Variants in RAB11FIP2 observed in about 807,000 individuals in gnomAD.
RAB11FIP2 encodes the protein rab11 family-interacting protein 2.
RAB11FIP2 carries 16 observed loss-of-function variants against 40.9 expected under a neutral mutation model. That is an observed-to-expected ratio of 0.39 (90% CI 0.26 to 0.59). The LOEUF (loss-of-function observed/expected upper bound fraction) is 0.59. Among genes scored for constraint, RAB11FIP2 ranks in the 20% least tolerant of loss-of-function variants. RAB11FIP2 has a pLI of 0.53. For synonymous variants in RAB11FIP2, 228 were observed against 213.7 expected (o/e 1.07, Z -0.58); for missense variants, 532 against 606.2 (o/e 0.88, Z 1.28).
chr10:118,016,141 C>T (rs1846217118), intron 3 of RAB11FIP2, among the ~76,000 whole-genome samples: 1 of 152,166 alleles, frequency 6.6e-6, no homozygotes, highest in Admixed American at 6.5e-5. Flanking sequence ...CATGTACAAC[C>T]ACCTCCAGAG....
At chr10:118,044,935 G>C (rs908824156) in intron 1 of RAB11FIP2, among the ~76,000 whole-genome samples, 3 of 152,060 alleles carry the variant, frequency 2.0e-5, no homozygotes, top group African/African-American at 4.8e-5. Context: ...GTTTATGGAA[G>C]GGGTGAGTAT....
intron 1 of RAB11FIP2, 31 bp downstream of exon 1, chr10:118,045,780 C>G (rs764364541): frequency 6.7e-7 from 1 of 1,492,826 alleles, no homozygotes. Flanking sequence ...ATATAAACTC[C>G]CCCAAATTCA....
chr10:118,019,380 G>A (rs1846257005), intron 3 of RAB11FIP2, among the ~76,000 whole-genome samples: 1 of 152,100 alleles, frequency 6.6e-6, no homozygotes, highest in African/African-American at 2.4e-5. Flanking sequence ...AGAGGGAAGG[G>A]GCAAGACAGG....
At chr10:118,032,809 C>T (rs1846431274) in intron 3 of RAB11FIP2, among the ~76,000 whole-genome samples, 1 of 152,006 alleles carries the variant, frequency 6.6e-6, no homozygotes, top group African/African-American at 2.4e-5. Flanking sequence ...GTGAATCATC[C>T]CTTTGTTCAG....
rs11198235 is a variant in RAB11FIP2, at chr10:118,019,619, C to T, written c.1266-4509G>A. Among the ~76,000 whole-genome samples, 2,020 of 151,836 alleles carry T rather than the reference C, an allele frequency of 0.013. 60 individuals are homozygous for T. The East Asian group carries it at 0.13, about 10-fold the overall frequency. ...CAGGCAGATCACGAGGTCAGGAGAT[C>T]GAGACCATCCTGGCTAACACGGTGA... On this transcript the variant is annotated intron_variant, in intron 3 of 4. Transcript: ENST00000355624.
rs558620504 is a variant in RAB11FIP2 at position 118,033,022 on chromosome 10, T to C, written c.1265+5950A>G. Among the ~76,000 whole-genome samples the C allele has an allele frequency of 2.0e-5, 3 of 152,184 alleles. No homozygotes were observed. The East Asian group carries it at 5.8e-4, about 29-fold the overall frequency. On this transcript the variant is annotated intron_variant, in intron 3 of 4. Transcript: ENST00000355624. The stretch of plus-strand genomic sequence containing the variant: ...TGTTCTATTTCATTATTATTGTTAC[T>C]CTCTTACTGTGCCTAATTTATGAAT...
chr10:118,019,546 G>C (rs1764464693), intron 3 of RAB11FIP2, among the ~76,000 whole-genome samples: 1 of 151,910 alleles, frequency 6.6e-6, no homozygotes, highest in African/African-American at 2.4e-5. Flanking sequence ...ATTCACGGCT[G>C]GGCATGGTGG....
At chr10:118,009,957 C>T (rs185480703) in intron 4 of RAB11FIP2, among the ~76,000 whole-genome samples, 1 of 152,192 alleles carries the variant, frequency 6.6e-6, no homozygotes, top group East Asian at 1.9e-4. Flanking sequence ...GCATTCTCTC[C>T]CATTTCATCT....
At chr10:118,032,817 C>A (rs1303290946) in intron 3 of RAB11FIP2, among the ~76,000 whole-genome samples, 1 of 152,180 alleles carries the variant, frequency 6.6e-6, no homozygotes, top group Non-Finnish European at 1.5e-5. Context: ...TCCCTTTGTT[C>A]AGTCCCTTTG....
intron 4 of RAB11FIP2, among the ~76,000 whole-genome samples, chr10:118,013,380 C>A (rs1455906963): frequency 2.0e-5 from 3 of 152,068 alleles, no homozygotes; most frequent in African/African-American, 7.2e-5. Flanking sequence ...GCTCACACTG[C>A]CCTTTCAACT....
At chr10:118,038,388 T>C (rs1420887952) in intron 3 of RAB11FIP2, among the ~76,000 whole-genome samples, 6 of 152,058 alleles carry the variant, frequency 3.9e-5, no homozygotes, top group Admixed American at 6.6e-5. Context: ...CATGAGTGAT[T>C]ATTTCTGACT....
Position 118,016,987 on chromosome 10 carries a change from T to G in RAB11FIP2, c.1266-1877A>C, listed in dbSNP as rs537588275. 2.0e-5 allele frequency among the ~76,000 whole-genome samples: 3 copies of G among 152,338 alleles called. No individual in the cohort carries two copies. In the South Asian group the frequency reaches 6.2e-4, roughly 32 times the overall value. On this transcript the variant is annotated intron_variant, in intron 3 of 4. Transcript: ENST00000355624. ...ATTTCATAAACTTTTACATAGCACT[T>G]AATGTGTGCCAGATGCTATTCTAAG...
chr10:118,029,874 T>C (rs1017043567), intron 3 of RAB11FIP2, among the ~76,000 whole-genome samples: 2 of 152,116 alleles, frequency 1.3e-5, no homozygotes, highest in Non-Finnish European at 1.5e-5. Context: ...GACCAAATAT[T>C]TGAAGTTGGG....
At chr10:118,042,608 G>A (rs1846574988) in intron 1 of RAB11FIP2, among the ~76,000 whole-genome samples, 1 of 152,174 alleles carries the variant, frequency 6.6e-6, no homozygotes, top group Non-Finnish European at 1.5e-5. Flanking sequence ...TCTACTGCTA[G>A]AGTATAAGCT....
At chr10:118,036,448 T>C (rs1036863656) in intron 3 of RAB11FIP2, among the ~76,000 whole-genome samples, 8 of 152,170 alleles carry the variant, frequency 5.3e-5, no homozygotes, top group African/African-American at 1.7e-4. Context: ...GGGTTGATAC[T>C]GGGAGGAAAA....
At chr10:118,030,542 C>T (rs1380849510) in intron 3 of RAB11FIP2, among the ~76,000 whole-genome samples, 1 of 152,106 alleles carries the variant, frequency 6.6e-6, no homozygotes, top group African/African-American at 2.4e-5. Flanking sequence ...GTCCTAACAA[C>T]ACATTAAAAT....
At position 118,034,139 on chromosome 10, in the gene RAB11FIP2, T is replaced by C. The variant is rs553575414; in HGVS notation, c.1265+4833A>G. ...CCACCGTACACAATTATGACGATAA[T>C]GCGGCTGTGTTCGAACAAAACTTTA... On this transcript the variant is annotated intron_variant, in intron 3 of 4. Transcript: ENST00000355624. 1.2e-5 allele frequency: 8 copies of C among 674,534 alleles called. No homozygotes were observed. In the Admixed American group the frequency reaches 1.6e-4, roughly 14 times the overall value. The allele number at this position is 674,534 out of a possible 1,614,324, so 41.8% of individuals were successfully genotyped here. A position where few individuals can be genotyped will look rare whatever the true frequency, so the allele number is the denominator to read the frequency against.
At chr10:118,016,557 T>A (rs1022185077) in intron 3 of RAB11FIP2, among the ~76,000 whole-genome samples, 1 of 152,194 alleles carries the variant, frequency 6.6e-6, no homozygotes, top group Non-Finnish European at 1.5e-5. Context: ...CGATCCAAGG[T>A]AGCCAACAGG....
chr10:118,046,095 T>A lies in RAB11FIP2; in HGVS notation c.69A>T (p.Lys23Asn). ...THVQVTVLQA[K>N]DLKPKGKSGT... ...CACTTTTGCCTTTTGGCTTCAGATC[T>A]TTGGCTTGGAGCACTGTGACCTGCA... The change falls in exon 1 of 5, where the codon AAA (lysine) becomes AAT (asparagine). Residue 23 changes from lysine (K) to asparagine (N), a missense_variant. Lys to Asn is a moderately conservative substitution (Grantham distance 94, BLOSUM62 0). Transcript: ENST00000355624. 1 of 1,614,190 alleles carries A rather than the reference T, an allele frequency of 6.2e-7. No homozygotes were observed. Among genetic ancestry groups the A allele is most frequent in the Non-Finnish European group, 8.5e-7 (1 of 1,180,014 alleles).
Sources: gnomAD v4.1 joint callset for allele counts (sites outside exome capture counted in the v4.1 genomes callset) on GRCh38, gnomAD v4.1.1 for gene constraint, MANE v1.5 for transcripts, NCBI Gene and HGNC (gene_info 2026-07-23, HGNC 2026-07-21) for gene names.